The following HIVEP3 variants were observed in gnomAD, a reference collection of about 807,000 sequenced individuals.
HIVEP3 encodes transcription factor HIVEP3.
In HIVEP3, 49 loss-of-function variants were observed where a neutral mutation model predicts 152.8. The ratio of observed to expected loss-of-function variants is 0.32; its 90% confidence interval spans 0.26 to 0.41. The LOEUF (loss-of-function observed/expected upper bound fraction) is 0.41. Ranked by LOEUF, HIVEP3 falls within the 10% of genes least tolerant of loss-of-function variation. HIVEP3 has a pLI of 1.00. For synonymous variants in HIVEP3, 1,269 were observed against 1,289.0 expected, an observed-to-expected ratio of 0.98 and a Z score of 0.33; for missense variants, 2,790 against 3,103.3, an observed-to-expected ratio of 0.90 and a Z score of 2.40.
intron 8 of HIVEP3, 56 bp downstream of exon 8, chr1:41,512,760 G>A: frequency 7.2e-7 from 1 of 1,382,000 alleles, no homozygotes; most frequent in Non-Finnish European, 9.6e-7. Flanking sequence ...GTGTGAACTT[G>A]CAACCCCTGC....
chr1:41,579,891 T>C lies in HIVEP3; in HGVS notation c.4907A>G (p.Asn1636Ser), dbSNP rs550588547. 46 of 1,614,170 alleles carry C rather than the reference T, an allele frequency of 2.8e-5. 1 individual carries two copies. In the South Asian group the frequency reaches 4.8e-4, roughly 17 times the overall value. ...AGTGGAAACCCCCGGAAGGTTGGGG[T>C]TGTACAAACTTATGCACCAACCAGC... ...VYAGWCISLY[N>S]PNLPGVSTKA... The change falls in exon 4 of 9, where the codon AAC becomes AGC. Residue 1636 changes from asparagine (N) to serine (S), a missense_variant. Physicochemically the swap from Asn to Ser is conservative, Grantham distance 46 (BLOSUM62 1). Transcript: ENST00000372583.
chr1:41,560,369 C>A (rs1644040954), intron 5 of HIVEP3, among the ~76,000 whole-genome samples: 1 of 152,188 alleles, frequency 6.6e-6, no homozygotes, highest in South Asian at 2.1e-4. Context: ...GAGGGCAGGT[C>A]TTCAAGGATG....
At chr1:41,674,082 G>A (rs1645918200) in intron 2 of HIVEP3, among the ~76,000 whole-genome samples, 1 of 152,238 alleles carries the variant, frequency 6.6e-6, no homozygotes. Context: ...CTCCCCAGAG[G>A]GGCTTGTCAG....
chr1:41,557,673 A>G (rs1643988518), intron 5 of HIVEP3, among the ~76,000 whole-genome samples: 1 of 149,552 alleles, frequency 6.7e-6, no homozygotes, highest in Non-Finnish European at 1.5e-5. Flanking sequence ...GTCTCTCTCC[A>G]GGGGTGGGGG....
Position 41,820,112 on chromosome 1 carries a change from A to G in HIVEP3, c.-801+98301T>C, listed in dbSNP as rs77179953. Among the ~76,000 whole-genome samples the G allele has an allele frequency of 5.1e-4, 77 of 152,270 alleles. 1 individual carries two copies. The highest frequency in any genetic ancestry group is 1.8e-3 in the African/African-American group (74 of 41,556). ...TAGATCAAGCTTTTTACTTGTGTTG[A>G]TAAAATATTCCATATCCCCCATACA... is the stretch of plus-strand genomic sequence containing the variant. On this transcript the variant is annotated intron_variant, in intron 1 of 8. Transcript: ENST00000372583.
At chr1:41,779,206 T>C (rs1338648963) in intron 1 of HIVEP3, among the ~76,000 whole-genome samples, 1 of 152,164 alleles carries the variant, frequency 6.6e-6, no homozygotes, top group Non-Finnish European at 1.5e-5. Context: ...TCTCCACCTC[T>C]GCACGCTCTC....
At chr1:41,906,217 G>C (rs1392809677) in intron 1 of HIVEP3, among the ~76,000 whole-genome samples, 1 of 152,084 alleles carries the variant, frequency 6.6e-6, no homozygotes, top group Admixed American at 6.5e-5. Flanking sequence ...GCTGAGACAG[G>C]AGAATCACTT....
chr1:41,836,688 A>C (rs1325157215), intron 1 of HIVEP3, among the ~76,000 whole-genome samples: 1 of 152,186 alleles, frequency 6.6e-6, no homozygotes, highest in East Asian at 1.9e-4. Context: ...AATTCACAAG[A>C]ATGCAACCAG....
rs138042746 is a variant in HIVEP3, at chr1:41,961,530, T to C, written n.120-43006A>G. ...CAAGCATGACACTGGTACAAGAAAA[T>C]TGAGAGATGTGTGTAGCTGACCTGG... On this transcript the variant is annotated intron_variant and non_coding_transcript_variant, in intron 1 of 3. Transcript: ENST00000489103. Among the ~76,000 whole-genome samples, 685 of 152,216 alleles carry C rather than the reference T, an allele frequency of 4.5e-3. 6 individuals carry two copies. Among genetic ancestry groups the C allele is most frequent in the Admixed American group, 7.7e-3 (118 of 15,298 alleles).
intron 3 of HIVEP3, among the ~76,000 whole-genome samples, chr1:41,604,383 C>G (rs1017741367): frequency 1.3e-5 from 2 of 152,074 alleles, no homozygotes; most frequent in African/African-American, 2.4e-5. Context: ...AAATATATAT[C>G]TTACAGATAT....
At chr1:41,766,512 T>C (rs1031777337) in intron 1 of HIVEP3, among the ~76,000 whole-genome samples, 3 of 152,218 alleles carry the variant, frequency 2.0e-5, no homozygotes, top group South Asian at 2.1e-4. Context: ...TCTCATTTAA[T>C]CCTCACCACC....
chr1:41,872,824 T>C lies in HIVEP3; in HGVS notation c.-801+45589A>G, dbSNP rs574234259. Among the ~76,000 whole-genome samples the C allele has an allele frequency of 7.2e-5, 11 of 152,346 alleles. No individual in the cohort carries two copies. The East Asian group carries it at 2.1e-3, about 29-fold the overall frequency. On this transcript the variant is annotated intron_variant, in intron 1 of 8. Transcript: ENST00000372583. ...TGATGGGTATTTGGGCTGCTTTTAG[T>C]CTTGGACTGTTTTGAATAAAGCTCT... is the stretch of plus-strand genomic sequence containing the variant.
At position 41,583,232 on chromosome 1, in the gene HIVEP3, C is replaced by T; in HGVS notation, c.1566G>A (p.Leu522=). 1.2e-6 allele frequency: 2 copies of T among 1,612,296 alleles called. No homozygotes were observed. The highest frequency in any genetic ancestry group is 1.7e-6 in the Non-Finnish European group (2 of 1,179,132). ...TACTGGGCGGGTGCTGGAGGCTCAGCAGTGATTGTTCAGGCTTGGTTTTCT... is the reference window on the plus strand; with the variant it reads ...TACTGGGCGGGTGCTGGAGGCTCAGTAGTGATTGTTCAGGCTTGGTTTTCT... ...HSEKTKPEQS[L]LSLQHPPSTA... The change falls in exon 4 of 9, where the codon CTG becomes CTA. Residue 522 remains leucine, a synonymous_variant. Coordinates refer to ENST00000372583, the MANE Select transcript of HIVEP3 (RefSeq NM_024503.5). This position sits in a 1 kb window ranked among gnomAD's most constrained non-coding sequence, Gnocchi z 6.9.
intron 2 of HIVEP3, among the ~76,000 whole-genome samples, chr1:41,683,483 T>A (rs889279487): frequency 2.0e-5 from 3 of 152,226 alleles, no homozygotes; most frequent in African/African-American, 7.2e-5. Flanking sequence ...ATTGCAGAGA[T>A]GAGTTCACGG....
Position 41,585,203 on chromosome 1 carries a change from CAGTCATCCCTGGTCCTGGCACA to C in HIVEP3, c.-428_-407del, listed in dbSNP as rs1644486242. 1.3e-5 allele frequency: 5 copies of C among 399,090 alleles called. No homozygotes were observed. Among genetic ancestry groups the C allele is most frequent in the Non-Finnish European group, 2.2e-5 (5 of 226,258 alleles). 24.7% of individuals were successfully genotyped at this position (399,090 alleles called of 1,614,324 possible). On this transcript the variant is annotated 5_prime_UTR_variant, in exon 4 of 9. It removes an upstream start codon present in the reference 5' UTR. Transcript: ENST00000372583. ...GTTGGAGACATCTGTGTCCATGGCC[CAGTCATCCCTGGTCCTGGCACA>C]AGAGATGCCACGCTGGATGCTGGGG...
intron 1 of HIVEP3, among the ~76,000 whole-genome samples, chr1:41,767,314 C>T (rs1648074031): frequency 6.6e-6 from 1 of 152,222 alleles, no homozygotes; most frequent in African/African-American, 2.4e-5. Flanking sequence ...GACACAGAAT[C>T]AAAGCAGATA....
intron 1 of HIVEP3, among the ~76,000 whole-genome samples, chr1:41,735,584 T>G (rs1570426081): frequency 6.6e-6 from 1 of 152,216 alleles, no homozygotes; most frequent in East Asian, 1.9e-4. Context: ...TTCCCCCAAA[T>G]TAGCAACTTT....
At chr1:41,708,071 A>C (rs191330336) in intron 1 of HIVEP3, among the ~76,000 whole-genome samples, 134 of 152,316 alleles carry the variant, frequency 8.8e-4, no homozygotes, top group African/African-American at 2.8e-3. Context: ...AGGAGGGGCC[A>C]TCCCCCAGGT....
chr1:41,528,055 CA>C (rs1352484474), intron 5 of HIVEP3, among the ~76,000 whole-genome samples: 12 of 141,222 alleles, frequency 8.5e-5, no homozygotes, highest in South Asian at 7.2e-4. Flanking sequence ...ACACCCCCCT[CA>C]CTTACCTTCA....
Sources: allele counts gnomAD v4.1 joint callset (sites outside exome capture counted in the v4.1 genomes callset), GRCh38; gene constraint gnomAD v4.1.1; non-coding constraint Gnocchi (gnomAD v3.1); transcripts MANE v1.5; gene names NCBI Gene and HGNC (gene_info 2026-07-23, HGNC 2026-07-21).